Variants in AXIN1 observed in about 807,000 individuals in gnomAD.
AXIN1 encodes axin-1.
In AXIN1, 30 loss-of-function variants were observed where a neutral mutation model predicts 76.4. The ratio of observed to expected loss-of-function variants is 0.39; its 90% CI spans 0.29 to 0.53. The LOEUF is 0.53. Among genes scored for constraint, AXIN1 ranks in the 20% least tolerant of loss-of-function variants. The pLI, the probability that AXIN1 is intolerant of heterozygous loss-of-function variation, is 0.66. For synonymous variants in AXIN1, 545 were observed against 501.4 expected (o/e 1.09, Z -1.16); for missense variants, 1,140 against 1,198.8 (o/e 0.95, Z 0.72).
intron 2 of AXIN1, among the ~76,000 whole-genome samples, chr16:320,721 G>GTATATATATATATA (rs1363646713): frequency 1.7e-5 from 2 of 120,168 alleles, no homozygotes; most frequent in African/African-American, 7.1e-5. Context: ...ATGCGTGTGT[G>GTATATATATATATA]TGTATATATA....
At chr16:305,009 G>T (rs768116374) in intron 4 of AXIN1, among the ~76,000 whole-genome samples, 11 of 152,184 alleles carry the variant, frequency 7.2e-5, no homozygotes, top group Non-Finnish European at 1.2e-4. Flanking sequence ...GCCTGAGCAG[G>T]GCAGCTTCAG....
intron 2 of AXIN1, 93 bp from the exon 3 acceptor site, chr16:314,776 A>G: frequency 6.5e-7 from 1 of 1,549,968 alleles, no homozygotes; most frequent in Non-Finnish European, 8.7e-7. Flanking sequence ...ATCTCAATGT[A>G]TTAATTAAAA....
At chr16:294,957 T>C (rs560582762) in intron 7 of AXIN1, among the ~76,000 whole-genome samples, 1 of 147,458 alleles carries the variant, frequency 6.8e-6, no homozygotes, top group South Asian at 2.2e-4. Context: ...CCAGCTGCTC[T>C]TGAGGCTGAG....
At chr16:327,090 C>T (rs12597006) in intron 2 of AXIN1, among the ~76,000 whole-genome samples, 17,934 of 151,550 alleles carry the variant, frequency 0.12, 1,352 homozygotes, top group South Asian at 0.22. Flanking sequence ...TGCAGTGAGC[C>T]GAGATCGCAC....
intron 2 of AXIN1, among the ~76,000 whole-genome samples, chr16:317,407 G>A (rs1292088875): frequency 2.6e-5 from 4 of 152,186 alleles, no homozygotes; most frequent in Admixed American, 2.6e-4. Context: ...AGCTGCTCGG[G>A]AGGCAGGTGC....
In AXIN1 at chr16:347,190, G is replaced by A. The variant is rs1029930459; in HGVS notation, c.-81-84C>T. ...GAGGTTTTCTCAAGACAAGACTCAC[G>A]ATGACGCCCTCCCGCTCAAACTCAA... On this transcript the variant is annotated intron_variant, in intron 1 of 10. Coordinates refer to ENST00000262320, the MANE Select transcript of AXIN1 (RefSeq NM_003502.4). 5.9e-6 allele frequency: 7 copies of A among 1,190,906 alleles called. No homozygotes were observed. The East Asian group carries it at 1.2e-4, about 21-fold the overall frequency. The allele number at this position is 1,190,906 out of a possible 1,614,324, so 73.8% of individuals were successfully genotyped here. A position where few individuals can be genotyped will look rare whatever the true frequency, so the allele number is the denominator to read the frequency against.
intron 2 of AXIN1, among the ~76,000 whole-genome samples, chr16:320,735 A>ATT (rs1418979467): frequency 1.1e-3 from 87 of 76,172 alleles, no homozygotes; most frequent in Non-Finnish European, 1.6e-3. Context: ...ATATATATAT[A>ATT]TATATATATT....
intron 9 of AXIN1, chr16:290,674 C>T (rs967283257): frequency 1.2e-5 from 3 of 244,120 alleles, no homozygotes; most frequent in South Asian, 1.0e-4. Context: ...ATGGTCTGAG[C>T]CCTTTCTCAC....
intron 2 of AXIN1, among the ~76,000 whole-genome samples, chr16:336,681 G>A (rs944029627): frequency 1.3e-5 from 2 of 152,024 alleles, no homozygotes; most frequent in Non-Finnish European, 2.9e-5. Flanking sequence ...GCCAGGTGTG[G>A]TGGCGCATGT....
chr16:338,200 C>T (rs2053846022), intron 2 of AXIN1, among the ~76,000 whole-genome samples: 1 of 152,190 alleles, frequency 6.6e-6, no homozygotes, highest in Admixed American at 6.5e-5. Context: ...AGAACCGGAG[C>T]GTGTGCGTCA....
rs550566141 is a variant in AXIN1, at chr16:310,553, C to T, written c.1020-484G>A. Among the ~76,000 whole-genome samples the T allele has an allele frequency of 3.8e-3, 579 of 152,296 alleles. 4 individuals are homozygous for T. The highest frequency in any genetic ancestry group is 6.5e-3 in the Non-Finnish European group (440 of 68,018). On this transcript the variant is annotated intron_variant, in intron 3 of 10. Transcript: ENST00000262320. ...CTGGGACTACAGGTGCCCGCCACCA[C>T]GCCCAGCTAATTTTTTTGTATTTTT...
At chr16:291,026 C>G (rs1249639173) in intron 9 of AXIN1, 164 bp downstream of exon 9, 1 of 699,532 alleles carries the variant, frequency 1.4e-6, no homozygotes, top group Non-Finnish European at 2.6e-6. Flanking sequence ...AGAAGGCTCT[C>G]GGGCAGCTTC....
At chr16:315,726 G>T (rs964590583) in intron 2 of AXIN1, among the ~76,000 whole-genome samples, 1 of 151,978 alleles carries the variant, frequency 6.6e-6, no homozygotes, top group African/African-American at 2.4e-5. Flanking sequence ...TACTTCGGAG[G>T]CTGAGGCGGG....
intron 10 of AXIN1, among the ~76,000 whole-genome samples, 195 bp downstream of exon 10, chr16:289,245 T>C (rs1262316194): frequency 6.6e-6 from 1 of 152,140 alleles, no homozygotes; most frequent in Admixed American, 6.5e-5. Context: ...TTAGTATTTT[T>C]AGTAGAGACG....
chr16:305,840 G>A (rs540900140), intron 4 of AXIN1, among the ~76,000 whole-genome samples: 20 of 151,848 alleles, frequency 1.3e-4, no homozygotes, highest in East Asian at 3.9e-4. Context: ...CACTGCACCC[G>A]GCCCCCCTAT....
At chr16:308,110 T>C (rs2053076419) in intron 4 of AXIN1, among the ~76,000 whole-genome samples, 1 of 152,168 alleles carries the variant, frequency 6.6e-6, no homozygotes. Context: ...ACAAGGGCCC[T>C]CTGGGGGTGC....
At chr16:351,132 C>CAA (rs71391129) in intron 1 of AXIN1, among the ~76,000 whole-genome samples, 22 of 111,532 alleles carry the variant, frequency 2.0e-4, no homozygotes, top group Admixed American at 5.7e-4. Flanking sequence ...AACTCTGTCT[C>CAA]AAAAAAAAAA....
At chr16:308,460 C>T (rs2053086012) in intron 4 of AXIN1, among the ~76,000 whole-genome samples, 1 of 152,228 alleles carries the variant, frequency 6.6e-6, no homozygotes, top group Non-Finnish European at 1.5e-5. Context: ...ACCCCAAAAT[C>T]GGGGCACCCC....
chr16:295,175 G>A (rs868819285), intron 7 of AXIN1, among the ~76,000 whole-genome samples: 2 of 149,594 alleles, frequency 1.3e-5, no homozygotes, highest in East Asian at 2.0e-4. Flanking sequence ...CTCGGATCTC[G>A]GCTCACTGCA....
Sources: gnomAD v4.1 joint callset for allele counts (sites outside exome capture counted in the v4.1 genomes callset) on GRCh38, gnomAD v4.1.1 for gene constraint, MANE v1.5 for transcripts, NCBI Gene and HGNC (gene_info 2026-07-23, HGNC 2026-07-21) for gene names.